MEIKIN: variants seen among roughly 807,000 people sequenced by gnomAD.
The protein encoded by MEIKIN is meiotic kinetochore factor, also known as meiosis-specific kinetochore protein.
chr5:131,844,370 T>A (rs1749973328), intron 11 of MEIKIN, among the ~76,000 whole-genome samples: 1 of 152,154 alleles, frequency 6.6e-6, no homozygotes, highest in South Asian at 2.1e-4. Flanking sequence ...AGGACAGTAA[T>A]CTCCAAGAGA....
intron 9 of MEIKIN, among the ~76,000 whole-genome samples, chr5:131,864,694 G>C (rs1230291274): frequency 6.6e-6 from 1 of 152,176 alleles, no homozygotes; most frequent in Non-Finnish European, 1.5e-5. Flanking sequence ...ATGCCATGGA[G>C]AAGACATTTT....
chr5:131,807,324 C>A, intron 12 of MEIKIN, 66 bp from the exon 13 acceptor site: 1 of 397,566 alleles, frequency 2.5e-6, no homozygotes, highest in Non-Finnish European at 4.4e-6. Context: ...TTACTAATAA[C>A]CAGTCTGCAG....
chr5:131,833,413 A>T (rs1292958123), intron 11 of MEIKIN, among the ~76,000 whole-genome samples: 2 of 152,186 alleles, frequency 1.3e-5, no homozygotes, highest in Non-Finnish European at 2.9e-5. Context: ...GCCACTCAAC[A>T]AGTCTCTAGA....
At chr5:131,842,891 A>G (rs1357885899) in intron 11 of MEIKIN, among the ~76,000 whole-genome samples, 2 of 152,196 alleles carry the variant, frequency 1.3e-5, no homozygotes, top group African/African-American at 2.4e-5. Context: ...CTGCCCTAGT[A>G]GAGGTTTTCC....
At chr5:131,816,196 T>C (rs567321825) in intron 12 of MEIKIN, among the ~76,000 whole-genome samples, 1 of 152,258 alleles carries the variant, frequency 6.6e-6, no homozygotes, top group South Asian at 2.1e-4. Context: ...TAAATTATGG[T>C]TTAAGGAGAT....
intron 9 of MEIKIN, among the ~76,000 whole-genome samples, chr5:131,878,519 A>T (rs1750652177): frequency 1.3e-5 from 2 of 152,070 alleles, no homozygotes; most frequent in African/African-American, 2.4e-5. Flanking sequence ...GTGAGCCGAG[A>T]TCATGCCACT....
chr5:131,867,617 A>G (rs1750408172), intron 9 of MEIKIN, among the ~76,000 whole-genome samples: 1 of 152,244 alleles, frequency 6.6e-6, no homozygotes, highest in Non-Finnish European at 1.5e-5. Flanking sequence ...TATGGTTGGA[A>G]TCACACAGTA....
At chr5:131,829,184 T>C (rs1749668988) in intron 11 of MEIKIN, among the ~76,000 whole-genome samples, 1 of 152,128 alleles carries the variant, frequency 6.6e-6, no homozygotes, top group Non-Finnish European at 1.5e-5. Flanking sequence ...TACAATAAAG[T>C]TATGCTGAAA....
In MEIKIN at chr5:131,819,765, A is replaced by ATTTTTT. The variant is rs1167213249; in HGVS notation, c.976-908_976-903dup. 6.7e-4 allele frequency among the ~76,000 whole-genome samples: 43 copies of ATTTTTT among 64,574 alleles called. 5 individuals are homozygous for ATTTTTT. The highest frequency in any genetic ancestry group is 3.2e-3 in the African/African-American group (41 of 12,792). The allele number at this position is 64,574 out of a possible 152,430, so 42.4% of individuals were successfully genotyped here. On this transcript the variant is annotated intron_variant, in intron 11 of 12. Coordinates refer to ENST00000442687, the MANE Select transcript of MEIKIN (RefSeq NM_001303622.2). ...TAGGCATGCACCACTACATCCAGCT[A>ATTTTTT]TTTTTTTTTTTTTTTTTTTTTTTTT... is the stretch of plus-strand genomic sequence containing the variant.
At chr5:131,834,806 C>A (rs1749773782) in intron 11 of MEIKIN, among the ~76,000 whole-genome samples, 1 of 152,048 alleles carries the variant, frequency 6.6e-6, no homozygotes, top group African/African-American at 2.4e-5. Flanking sequence ...GATTTCATTT[C>A]CCTTGAATAT....
chr5:131,860,988 C>A (rs553892266), intron 9 of MEIKIN, among the ~76,000 whole-genome samples: 1 of 150,400 alleles, frequency 6.6e-6, no homozygotes, highest in South Asian at 2.1e-4. Context: ...GTCTCCAACT[C>A]TTGGCCTCAA....
chr5:131,810,860 C>T (rs1772940264), intron 12 of MEIKIN, among the ~76,000 whole-genome samples: 2 of 152,220 alleles, frequency 1.3e-5, no homozygotes, highest in Admixed American at 1.3e-4. Context: ...ATACTGATCA[C>T]AGTCCTAGAC....
At chr5:131,927,978 T>C (rs1751619865) in intron 5 of MEIKIN, among the ~76,000 whole-genome samples, 1 of 151,692 alleles carries the variant, frequency 6.6e-6, no homozygotes, top group Non-Finnish European at 1.5e-5. Flanking sequence ...ACCCCGTCTC[T>C]ACTAAAAATA....
chr5:131,860,602 G>C (rs1750267243), intron 9 of MEIKIN, among the ~76,000 whole-genome samples: 1 of 97,364 alleles, frequency 1.0e-5, no homozygotes, highest in Non-Finnish European at 2.2e-5. Context: ...CCACCACCAT[G>C]CCAGGATAAT....
chr5:131,816,178 C>T (rs116397591), intron 12 of MEIKIN, among the ~76,000 whole-genome samples: 132 of 152,164 alleles, frequency 8.7e-4, no homozygotes, highest in African/African-American at 3.0e-3. Flanking sequence ...TTGTCTTTAT[C>T]TGGAGATTAA....
chr5:131,809,815 C>T (rs1403088976), intron 12 of MEIKIN, among the ~76,000 whole-genome samples: 2 of 88,614 alleles, frequency 2.3e-5, no homozygotes, highest in East Asian at 2.8e-4. Flanking sequence ...AGCAAACAAA[C>T]GAACAAAAAA....
At chr5:131,895,440 T>A (rs1453504869) in intron 8 of MEIKIN, among the ~76,000 whole-genome samples, 4 of 152,184 alleles carry the variant, frequency 2.6e-5, no homozygotes, top group Admixed American at 6.5e-5. Context: ...TTTCTATTGA[T>A]GGGAATAGTT....
chr5:131,867,482 T>C (rs968143417), intron 9 of MEIKIN, among the ~76,000 whole-genome samples: 2 of 152,244 alleles, frequency 1.3e-5, no homozygotes, highest in African/African-American at 4.8e-5. Context: ...TCTAATATCA[T>C]ACAAAGTAGT....
chr5:131,886,811 T>A (rs1264884967), intron 8 of MEIKIN, among the ~76,000 whole-genome samples: 2 of 152,140 alleles, frequency 1.3e-5, no homozygotes. Context: ...CTTTATTTTT[T>A]ATTTTTTTAT....
Sources: allele counts gnomAD v4.1 joint callset (sites outside exome capture counted in the v4.1 genomes callset), GRCh38; gene constraint gnomAD v4.1.1; transcripts MANE v1.5; gene names NCBI Gene and HGNC (gene_info 2026-07-23, HGNC 2026-07-21).